The following RPSA2 variants were observed in gnomAD, a reference collection of about 807,000 sequenced individuals.
The protein encoded by RPSA2 is small ribosomal subunit protein uS2B.
the RPSA2 span, among the ~76,000 whole-genome samples, chr19:23,852,046 T>C: frequency 6.6e-6 from 1 of 152,084 alleles, no homozygotes; most frequent in Non-Finnish European, 1.5e-5. Context: ...TACTAAATCA[T>C]TATGTTGAAC....
chr19:23,831,099 C>G, the RPSA2 span, among the ~76,000 whole-genome samples: 3 of 152,048 alleles, frequency 2.0e-5, no homozygotes, highest in Admixed American at 1.3e-4. Flanking sequence ...CAGTCTGCTG[C>G]TCTACCACTT....
the RPSA2 span, among the ~76,000 whole-genome samples, chr19:23,783,695 C>T: frequency 6.6e-6 from 1 of 152,124 alleles, no homozygotes; most frequent in Non-Finnish European, 1.5e-5. Flanking sequence ...GAGCCCTTCC[C>T]ACAGAGAGCC....
At chr19:23,866,512 T>C in the RPSA2 span, among the ~76,000 whole-genome samples, 2 of 126,398 alleles carry the variant, frequency 1.6e-5, no homozygotes, top group Non-Finnish European at 3.7e-5. Context: ...TACAATGTGG[T>C]GCCCCCCCCC....
At chr19:23,835,462 G>A in the RPSA2 span, among the ~76,000 whole-genome samples, 148,938 of 152,264 alleles carry the variant, frequency 0.98, 72,934 homozygotes, top group Middle Eastern at 1. Flanking sequence ...CTCAAAAATG[G>A]TGAAAGCAAA....
the RPSA2 span, among the ~76,000 whole-genome samples, chr19:23,773,846 C>G: frequency 0.12 from 17,888 of 152,138 alleles, 1,116 homozygotes; most frequent in East Asian, 0.23. Context: ...TTTAGTTCAT[C>G]GTTGAAATTG....
chr19:23,823,127 C>T, the RPSA2 span, among the ~76,000 whole-genome samples: 3 of 152,294 alleles, frequency 2.0e-5, no homozygotes, highest in South Asian at 6.2e-4. Context: ...AAAAGAGGGC[C>T]ATTGTATTTC....
chr19:23,827,420 G>T, the RPSA2 span: 6 of 1,470,562 alleles, frequency 4.1e-6, no homozygotes, highest in Non-Finnish European at 5.6e-6. Flanking sequence ...CCAGAGGGCT[G>T]TGCTGAAGTT....
the RPSA2 span, chr19:23,833,219 C>T: frequency 5.2e-6 from 6 of 1,149,582 alleles, no homozygotes; most frequent in East Asian, 5.6e-5. Flanking sequence ...TGAAAGCAAC[C>T]CTACAAATGG....
the RPSA2 span, among the ~76,000 whole-genome samples, chr19:23,828,522 G>T: frequency 1.8e-4 from 1 of 5,566 alleles, no homozygotes; most frequent in South Asian, 8.8e-3. Flanking sequence ...ACTCAAGAGT[G>T]TGTTGTTTAG....
At chr19:23,768,447 T>C in the RPSA2 span, among the ~76,000 whole-genome samples, 2 of 150,804 alleles carry the variant, frequency 1.3e-5, no homozygotes, top group African/African-American at 2.4e-5. Context: ...GATATCCAAG[T>C]TTAATGCAAA....
At chr19:23,769,306 G>T in the RPSA2 span, among the ~76,000 whole-genome samples, 1 of 152,170 alleles carries the variant, frequency 6.6e-6, no homozygotes, top group African/African-American at 2.4e-5. Context: ...TACCCATGAG[G>T]GGCACTGTGT....
chr19:23,809,746 TTTATA>T, the RPSA2 span, among the ~76,000 whole-genome samples: 1 of 152,038 alleles, frequency 6.6e-6, no homozygotes, highest in East Asian at 1.9e-4. Flanking sequence ...ATGTTTTTTT[TTTATA>T]TATAAGATTA....
chr19:23,858,589 T>A, the RPSA2 span, among the ~76,000 whole-genome samples: 3 of 152,214 alleles, frequency 2.0e-5, no homozygotes, highest in Non-Finnish European at 4.4e-5. Flanking sequence ...CACAAATTAT[T>A]TCTTTTTTGA....
At chr19:23,816,875 G>C in the RPSA2 span, among the ~76,000 whole-genome samples, 1 of 152,066 alleles carries the variant, frequency 6.6e-6, no homozygotes, top group Non-Finnish European at 1.5e-5. Flanking sequence ...GTACAGAAGA[G>C]ACCTGCCCCC....
chr19:23,829,749 G>A, the RPSA2 span, among the ~76,000 whole-genome samples: 5 of 152,126 alleles, frequency 3.3e-5, no homozygotes, highest in Admixed American at 3.3e-4. Flanking sequence ...ATTTGTCATT[G>A]ATGTTGCTAA....
the RPSA2 span, among the ~76,000 whole-genome samples, chr19:23,772,384 C>A: frequency 6.6e-6 from 1 of 152,098 alleles, no homozygotes; most frequent in Non-Finnish European, 1.5e-5. Flanking sequence ...TGGCTGAAAT[C>A]CCAGGTGATG....
the RPSA2 span, among the ~76,000 whole-genome samples, chr19:23,791,248 A>G: frequency 6.6e-6 from 1 of 152,172 alleles, no homozygotes; most frequent in Non-Finnish European, 1.5e-5. Flanking sequence ...TGATCCACCC[A>G]TCTCGGCCCC....
the RPSA2 span, among the ~76,000 whole-genome samples, chr19:23,869,127 G>C: frequency 2.0e-5 from 3 of 152,260 alleles, no homozygotes; most frequent in South Asian, 4.1e-4. Context: ...CTGTACTTTG[G>C]AGTGACACTC....
At chr19:23,833,726 G>A in the RPSA2 span, among the ~76,000 whole-genome samples, 2 of 152,210 alleles carry the variant, frequency 1.3e-5, no homozygotes, top group South Asian at 4.1e-4. Context: ...AAGCATAAAA[G>A]TGTAATTACT....
Sources: gnomAD v4.1 joint callset for allele counts (sites outside exome capture counted in the v4.1 genomes callset) on GRCh38, gnomAD v4.1.1 for gene constraint, MANE v1.5 for transcripts, NCBI Gene and HGNC (gene_info 2026-07-23, HGNC 2026-07-21) for gene names.